Variants in NOLC1 observed in about 807,000 individuals in gnomAD.
The protein encoded by NOLC1 is 140 kDa nucleolar phosphoprotein.
Under a neutral mutation model 73.4 loss-of-function variants are expected in NOLC1, and 37 were observed. That is an observed-to-expected ratio of 0.50 (90% CI 0.39 to 0.66). The LOEUF is 0.66. Ranked by LOEUF, NOLC1 falls within the 30% of genes least tolerant of loss-of-function variation. NOLC1 has a pLI of 0.00. For missense variants in NOLC1, 921 were observed against 838.9 expected (o/e 1.10, Z -1.21); for synonymous variants, 327 against 302.6 (o/e 1.08, Z -0.84).
intron 1 of NOLC1, among the ~76,000 whole-genome samples, chr10:102,155,126 G>A (rs1305107176): frequency 6.6e-6 from 1 of 151,100 alleles, no homozygotes; most frequent in Non-Finnish European, 1.5e-5. Flanking sequence ...GGGTTCAAGC[G>A]ATTCTCCTGC....
chr10:102,156,925 C>A, intron 1 of NOLC1, 94 bp from the exon 2 acceptor site: 1 of 1,179,142 alleles, frequency 8.5e-7, no homozygotes, highest in Non-Finnish European at 1.2e-6. Flanking sequence ...AACATTTATA[C>A]CAAATTTAGT....
chr10:102,158,125 C>T lies in NOLC1; in HGVS notation c.518C>T (p.Ser173Leu). Residue 173 changes from serine (S) to leucine (L), a missense_variant, in exon 5 of 13, where the codon TCA becomes TTA. Coordinates refer to ENST00000605788, the MANE Select transcript of NOLC1 (RefSeq NM_004741.5). Reference sequence around the variant, plus strand: ...AAGAGCTCTGATTCTGATTCTGACTCAAGCTCCGAGGATGAGCCACCAAAG... The same window carrying T: ...AAGAGCTCTGATTCTGATTCTGACTTAAGCTCCGAGGATGAGCCACCAAAG... ...KAKSSDSDSD[S>L]SSEDEPPKNQ... 2 of 1,614,132 alleles carry T rather than the reference C, an allele frequency of 1.2e-6. No homozygotes were observed. Among genetic ancestry groups the T allele is most frequent in the African/African-American group, 1.3e-5 (1 of 75,050 alleles).
chr10:102,152,776 G>T (rs1406327244), intron 1 of NOLC1, among the ~76,000 whole-genome samples: 1 of 152,236 alleles, frequency 6.6e-6, no homozygotes, highest in Admixed American at 6.5e-5. Flanking sequence ...AGCGGCGGCA[G>T]CGTGGGAGCC....
chr10:102,161,797 A>G (rs1171185625), intron 11 of NOLC1, 36 bp from the exon 12 acceptor site: 1 of 1,597,186 alleles, frequency 6.3e-7, no homozygotes, highest in Non-Finnish European at 8.6e-7. Flanking sequence ...TTACATGACC[A>G]CTCTGTCTTT....
rs150673591 is a variant in NOLC1 at position 102,161,260 on chromosome 10, C to G, written c.1741+167C>G. ...TACCTTTTTTTTTTTTTATTAGAGTCTCACTGTGTCACCCAGACCAGGGTG... is the reference window on the plus strand; with the variant it reads ...TACCTTTTTTTTTTTTTATTAGAGTGTCACTGTGTCACCCAGACCAGGGTG... On this transcript the variant is annotated intron_variant, in intron 10 of 12. Transcript: ENST00000605788. Among the ~76,000 whole-genome samples the G allele has an allele frequency of 8.5e-4, 128 of 150,464 alleles. 3 individuals are homozygous for G. The East Asian group carries it at 0.023, about 27-fold the overall frequency.
At position 102,157,583 on chromosome 10, in the gene NOLC1, T is replaced by C. The variant is rs567281636; in HGVS notation, c.441+28T>C. 1.1e-5 allele frequency: 17 copies of C among 1,606,832 alleles called. No homozygotes were observed. In the Admixed American group the frequency reaches 2.4e-4, roughly 22 times the overall value. On this transcript the variant is annotated intron_variant, in intron 4 of 12. Coordinates refer to ENST00000605788, the MANE Select transcript of NOLC1 (RefSeq NM_004741.5). Reference sequence around the variant, plus strand: ...TTGCAGCTTTGGGAAGAAAAAGGGGTTTAAGGATTAGAAAGGAAGAAACCT... The same window carrying C: ...TTGCAGCTTTGGGAAGAAAAAGGGGCTTAAGGATTAGAAAGGAAGAAACCT...
intron 1 of NOLC1, 34 bp from the exon 2 acceptor site, chr10:102,156,985 A>G (rs181986141): frequency 1.2e-6 from 2 of 1,605,682 alleles, no homozygotes; most frequent in African/African-American, 2.7e-5. Flanking sequence ...CCAGGATAAA[A>G]TAATTTCCTT....
chr10:102,161,272 C>A (rs897653930), intron 10 of NOLC1, among the ~76,000 whole-genome samples, 179 bp downstream of exon 10: 2 of 151,674 alleles, frequency 1.3e-5, no homozygotes, highest in Admixed American at 6.6e-5. Context: ...CACTGTGTCA[C>A]CCAGACCAGG....
At chr10:102,154,051 G>A (rs372557434) in intron 1 of NOLC1, among the ~76,000 whole-genome samples, 4 of 149,350 alleles carry the variant, frequency 2.7e-5, no homozygotes, top group East Asian at 4.0e-4. Context: ...CAGATGCTAC[G>A]CCCTTCACAT....
intron 4 of NOLC1, 83 bp from the exon 5 acceptor site, chr10:102,157,966 C>A (rs2069626304): frequency 8.0e-7 from 1 of 1,242,310 alleles, no homozygotes; most frequent in Non-Finnish European, 1.1e-6. Context: ...TCCATTAGGC[C>A]CCTAAAAATA....
intron 1 of NOLC1, among the ~76,000 whole-genome samples, chr10:102,155,252 C>T (rs1021633950): frequency 2.6e-5 from 4 of 151,162 alleles, no homozygotes; most frequent in South Asian, 4.2e-4. Flanking sequence ...CTCGAACTCC[C>T]GATCTCAGAT....
chr10:102,161,057 G>C lies in NOLC1; in HGVS notation c.1705G>C (p.Glu569Gln). ...TAAGAACAGTGAGGAGGAGGAAGAAGAAAAGAAAAAGGCGGCAGTGGTAGT... is the reference window on the plus strand; with the variant it reads ...TAAGAACAGTGAGGAGGAGGAAGAACAAAAGAAAAAGGCGGCAGTGGTAGT... ...AAKNSEEEEE[E>Q]KKKAAVVVSK... is the part of the protein sequence containing the mutation. Residue 569 changes from glutamate to glutamine, a missense_variant, in exon 10 of 13, where the codon GAA becomes CAA. Transcript: ENST00000605788. The C allele has an allele frequency of 6.2e-7, 1 of 1,608,630 alleles. No individual in the cohort carries two copies. Among genetic ancestry groups the C allele is most frequent in the Non-Finnish European group, 8.5e-7 (1 of 1,178,728 alleles).
In NOLC1 at chr10:102,162,328, T is replaced by C; in HGVS notation, c.*59T>C. The C allele has an allele frequency of 6.3e-7, 1 of 1,578,484 alleles. No individual in the cohort carries two copies. Among genetic ancestry groups the C allele is most frequent in the South Asian group, 1.2e-5 (1 of 86,064 alleles). ...ATCGGAGACTACTTACTTTCTCCAG[T>C]GGACCTGGGAACCCTCAGGTCTCTA... On this transcript the variant is annotated 3_prime_UTR_variant, in exon 13 of 13. Transcript: ENST00000605788.
At position 102,161,059 on chromosome 10, in the gene NOLC1, AAAG is replaced by A. The variant is rs1257287898; in HGVS notation, c.1710_1712del (p.Lys572del). 6.2e-7 allele frequency: 1 copy of A among 1,610,470 alleles called. No homozygotes were observed. Among genetic ancestry groups the A allele is most frequent in the Non-Finnish European group, 8.5e-7 (1 of 1,179,306 alleles). ...AGAACAGTGAGGAGGAGGAAGAAGA[AAAG>A]AAAAAGGCGGCAGTGGTAGTTTCCA... On this transcript the variant is annotated inframe_deletion, in exon 10 of 13. Transcript: ENST00000605788.
At chr10:102,155,852 C>T (rs2069585603) in intron 1 of NOLC1, among the ~76,000 whole-genome samples, 1 of 151,924 alleles carries the variant, frequency 6.6e-6, no homozygotes, top group African/African-American at 2.4e-5. Context: ...ACTTACTAGT[C>T]TTGTTTCTTT....
chr10:102,159,452 TTG>T lies in NOLC1; in HGVS notation c.746_747del (p.Val249GlyfsTer17). The T allele has an allele frequency of 6.2e-7, 1 of 1,614,178 alleles. No homozygotes were observed. Among genetic ancestry groups the T allele is most frequent in the Non-Finnish European group, 8.5e-7 (1 of 1,180,026 alleles). On this transcript the variant is annotated frameshift_variant, in exon 7 of 13. Transcript: ENST00000605788. LOFTEE classifies it high-confidence loss of function. ...ATGCAGACTGTACCTAAAAAGCAAG[TTG>T]TGGCCAAGGCCCCAGTGAAAGCAGC...
chr10:102,153,672 C>CTTTTTTTTTTTTTTTTTTTTTT (rs56074108), intron 1 of NOLC1, among the ~76,000 whole-genome samples: 1 of 88,194 alleles, frequency 1.1e-5, no homozygotes, highest in Non-Finnish European at 2.3e-5. Context: ...AATTAGGATT[C>CTTTTTTTTTTTTTTTTTTTTTT]TTTTTTTTTT....
Position 102,162,159 on chromosome 10 carries a change from T to C in NOLC1, c.1990T>C (p.Phe664Leu), listed in dbSNP as rs536103531. 6.2e-7 allele frequency: 1 copy of C among 1,614,102 alleles called. No individual in the cohort carries two copies. Among genetic ancestry groups the C allele is most frequent in the East Asian group, 2.2e-5 (1 of 44,890 alleles). Residue 664 changes from phenylalanine (F) to leucine (L), a missense_variant, in exon 13 of 13, where the codon TTC (phenylalanine) becomes CTC (leucine). Phe to Leu is a conservative substitution (Grantham distance 22, BLOSUM62 0). Coordinates refer to ENST00000605788, the MANE Select transcript of NOLC1 (RefSeq NM_004741.5). ...AGAGCGAGCCAATCAGGTTTTGAAG[T>C]TCACCAAAGGCAAGTCCTTTCGGCA... ...WGERANQVLK[F>L]TKGKSFRHEK...
chr10:102,156,464 G>A (rs1237575664), intron 1 of NOLC1, among the ~76,000 whole-genome samples: 1 of 148,898 alleles, frequency 6.7e-6, no homozygotes, highest in African/African-American at 2.5e-5. Flanking sequence ...TCTTGCTCTT[G>A]TTGCTCAGGC....
Sources: allele counts gnomAD v4.1 joint callset (sites outside exome capture counted in the v4.1 genomes callset), GRCh38; gene constraint gnomAD v4.1.1; transcripts MANE v1.5; gene names NCBI Gene and HGNC (gene_info 2026-07-23, HGNC 2026-07-21).